Variants in MTMR9 observed in about 807,000 individuals in gnomAD.
The protein encoded by MTMR9 is myotubularin related protein 9.
A neutral mutation model predicts 69.5 loss-of-function variants in MTMR9; 39 were observed. That is an observed-to-expected ratio of 0.56 (90% CI 0.43 to 0.73). The LOEUF (loss-of-function observed/expected upper bound fraction) is 0.73. Ranked by LOEUF, MTMR9 falls within the 30% of genes least tolerant of loss-of-function variation. The probability of loss-of-function intolerance (pLI) is 0.00; values close to 1 mark genes in which losing one functional copy is unlikely to be tolerated. For synonymous variants in MTMR9, 354 were observed against 240.8 expected (o/e 1.47, Z -4.35); for missense variants, 900 against 671.2 (o/e 1.34, Z -3.77).
intron 2 of MTMR9, among the ~76,000 whole-genome samples, chr8:11,296,615 A>T (rs918199594): frequency 2.0e-5 from 3 of 152,190 alleles, no homozygotes; most frequent in Non-Finnish European, 4.4e-5. Context: ...GGTATCTCAT[A>T]TAAGTAGAAT....
the MTMR9 span, among the ~76,000 whole-genome samples, chr8:11,335,190 T>C: frequency 6.6e-6 from 1 of 152,148 alleles, no homozygotes; most frequent in Non-Finnish European, 1.5e-5. Flanking sequence ...GCAACCATAA[T>C]CTCCTAGAAC....
chr8:11,299,999 T>C, intron 2 of MTMR9, 24 bp from the exon 3 acceptor site: 8 of 1,599,410 alleles, frequency 5.0e-6, no homozygotes, highest in Non-Finnish European at 6.8e-6. Flanking sequence ...TTCTTTTTTG[T>C]CTTTCTTTTC....
At chr8:11,313,990 A>T (rs1304412049) in intron 6 of MTMR9, among the ~76,000 whole-genome samples, 1 of 152,252 alleles carries the variant, frequency 6.6e-6, no homozygotes, top group Non-Finnish European at 1.5e-5. Context: ...AACCAAGGGA[A>T]GATCCATGAA....
At chr8:11,293,537 G>A (rs1799439851) in intron 1 of MTMR9, among the ~76,000 whole-genome samples, 1 of 152,130 alleles carries the variant, frequency 6.6e-6, no homozygotes, top group South Asian at 2.1e-4. Context: ...GTGTTTCAAA[G>A]AGCAGACGTT....
intron 1 of MTMR9, among the ~76,000 whole-genome samples, chr8:11,289,758 G>C (rs1302488065): frequency 2.6e-5 from 4 of 151,946 alleles, no homozygotes; most frequent in Non-Finnish European, 5.9e-5. Flanking sequence ...ATCTTGTTCT[G>C]CTTCTTAATA....
intron 4 of MTMR9, among the ~76,000 whole-genome samples, chr8:11,305,384 A>T (rs759964804): frequency 3.5e-4 from 54 of 152,274 alleles, no homozygotes; most frequent in Admixed American, 1.4e-3. Context: ...ACAACTTTAC[A>T]CGTGAAAGGT....
In MTMR9 at chr8:11,312,965, C is replaced by T. The variant is rs114640546; in HGVS notation, c.972-1958C>T. The stretch of plus-strand genomic sequence containing the variant: ...GTCTTTTCTTCTGAGCAGTAGGTCT[C>T]AACAGTGGACTTAAACTATTCAGTA... On this transcript the variant is annotated intron_variant, in intron 6 of 9. Coordinates refer to ENST00000221086, the MANE Select transcript of MTMR9 (RefSeq NM_015458.4). 3.7e-3 allele frequency among the ~76,000 whole-genome samples: 562 copies of T among 152,322 alleles called. 5 individuals carry two copies. Among genetic ancestry groups the T allele is most frequent in the African/African-American group, 0.012 (497 of 41,570 alleles).
In MTMR9 at chr8:11,304,982, G is replaced by T. The variant is rs753871264; in HGVS notation, c.559G>T (p.Val187Leu). The T allele has an allele frequency of 6.2e-7, 1 of 1,614,000 alleles. No individual in the cohort carries two copies. The highest frequency in any genetic ancestry group is 1.1e-5 in the South Asian group (1 of 91,082). The change falls in exon 4 of 10, where the codon GTA (valine) becomes TTA (leucine). Residue 187 changes from valine (V) to leucine (L), a missense_variant. Val to Leu is a conservative substitution (Grantham distance 32, BLOSUM62 1). Coordinates refer to ENST00000221086, the MANE Select transcript of MTMR9 (RefSeq NM_015458.4). The part of the protein sequence containing the change: ...ATFRHGGRFP[V>L]LSYYHKKNGM... ...ATTTCGACATGGAGGGCGCTTCCCA[G>T]TACTAAGCTATTACCACAAAAAAAA... is the stretch of plus-strand genomic sequence containing the variant.
chr8:11,329,673 C>T (rs1585147456), downstream of MTMR9, among the ~76,000 whole-genome samples: 1 of 152,368 alleles, frequency 6.6e-6, no homozygotes, highest in South Asian at 2.1e-4. Flanking sequence ...ACAACCTCCA[C>T]CTCCCAGCCG....
chr8:11,327,251 C>G lies in MTMR9; in HGVS notation c.*4463C>G, dbSNP rs1456674152. On this transcript the variant is annotated 3_prime_UTR_variant, in exon 10 of 10. Coordinates refer to ENST00000221086, the MANE Select transcript of MTMR9 (RefSeq NM_015458.4). ...GAAACTTAATGTTCCAGCTCTTGAA[C>G]TACACTGTGGAACAGTAATTTGTGC... is the stretch of plus-strand genomic sequence containing the variant. 6.6e-6 allele frequency: 1 copy of G among 152,162 alleles called. No individual in the cohort carries two copies. The highest frequency in any genetic ancestry group is 1.5e-5 in the Non-Finnish European group (1 of 68,030). 9.4% of individuals were successfully genotyped at this position (152,162 alleles called of 1,614,324 possible).
At chr8:11,294,816 A>G (rs1349983780) in intron 1 of MTMR9, 6 of 155,102 alleles carry the variant, frequency 3.9e-5, no homozygotes, top group African/African-American at 1.2e-4. Context: ...TTGATACATA[A>G]TATGTATCAC....
chr8:11,296,480 G>C (rs1799567568), intron 2 of MTMR9, among the ~76,000 whole-genome samples: 1 of 152,182 alleles, frequency 6.6e-6, no homozygotes, highest in African/African-American at 2.4e-5. Flanking sequence ...TTGTGCAGCA[G>C]ATCTCCAGGA....
chr8:11,330,265 G>A (rs1211616146), downstream of MTMR9, among the ~76,000 whole-genome samples: 1 of 150,172 alleles, frequency 6.7e-6, no homozygotes, highest in African/African-American at 2.5e-5. Context: ...GCCCCCCACC[G>A]GCCAGCCGCC....
chr8:11,297,435 G>A (rs1198279975), intron 2 of MTMR9, among the ~76,000 whole-genome samples: 1 of 152,120 alleles, frequency 6.6e-6, no homozygotes, highest in Non-Finnish European at 1.5e-5. Context: ...GTAGTTTATA[G>A]ACTGTTAAAT....
intron 5 of MTMR9, among the ~76,000 whole-genome samples, chr8:11,307,132 C>T (rs540093094): frequency 6.6e-6 from 1 of 152,246 alleles, no homozygotes; most frequent in South Asian, 2.1e-4. Flanking sequence ...AGTGCAGTGG[C>T]ACGATCCCAG....
At chr8:11,316,599 T>C (rs1800424450) in intron 7 of MTMR9, 74 bp from the exon 8 acceptor site, 2 of 893,844 alleles carry the variant, frequency 2.2e-6, no homozygotes, top group Middle Eastern at 3.2e-4. Flanking sequence ...TAATTGTGTA[T>C]AGTGGTGTCG....
the MTMR9 span, among the ~76,000 whole-genome samples, chr8:11,336,591 T>C: frequency 7.9e-5 from 12 of 152,370 alleles, no homozygotes; most frequent in Middle Eastern, 3.4e-3. Context: ...TGTCCATGAA[T>C]TGATGTAGAT....
downstream of MTMR9, chr8:11,331,408 G>A (rs767041811): frequency 4.4e-5 from 71 of 1,613,810 alleles, no homozygotes; most frequent in Middle Eastern, 3.3e-4. Context: ...CCTGACATCC[G>A]AGGCTGGGCC....
At chr8:11,292,985 G>A (rs1037366344) in intron 1 of MTMR9, among the ~76,000 whole-genome samples, 3 of 152,154 alleles carry the variant, frequency 2.0e-5, no homozygotes, top group African/African-American at 4.8e-5. Flanking sequence ...TTATTTTAGA[G>A]TATACTGCTT....
Sources: allele counts gnomAD v4.1 joint callset (sites outside exome capture counted in the v4.1 genomes callset), GRCh38; gene constraint gnomAD v4.1.1; transcripts MANE v1.5; gene names NCBI Gene and HGNC (gene_info 2026-07-23, HGNC 2026-07-21).